SLC39A11: variants seen among roughly 807,000 people sequenced by gnomAD.
SLC39A11 encodes solute carrier family 39 member 11, also known as zinc transporter ZIP11.
A neutral mutation model predicts 36.1 loss-of-function variants in SLC39A11; 33 were observed. The observed-to-expected ratio is 0.91, with a 90% CI of 0.69 to 1.22. The LOEUF is 1.22. Ranked by LOEUF, SLC39A11 falls within the 50% of genes most tolerant of loss-of-function variation. The pLI, the probability that SLC39A11 is intolerant of heterozygous loss-of-function variation, is 0.00. For synonymous variants in SLC39A11, 166 were observed against 170.3 expected, an observed-to-expected ratio of 0.97 and a Z score of 0.20; for missense variants, 432 against 430.3, an observed-to-expected ratio of 1.00 and a Z score of -0.03.
At chr17:72,910,827 T>C (rs2082944904) in intron 5 of SLC39A11, among the ~76,000 whole-genome samples, 1 of 148,238 alleles carries the variant, frequency 6.7e-6, no homozygotes, top group Non-Finnish European at 1.5e-5. Context: ...CTCAGGAGGC[T>C]GAGGCAGGAG....
intron 6 of SLC39A11, among the ~76,000 whole-genome samples, chr17:72,739,033 C>T (rs2074555514): frequency 6.6e-6 from 1 of 151,796 alleles, no homozygotes; most frequent in African/African-American, 2.4e-5. Flanking sequence ...ATAAGGTGTT[C>T]TTTTTTTTGC....
intron 7 of SLC39A11, among the ~76,000 whole-genome samples, chr17:72,705,955 C>T (rs1364316933): frequency 2.0e-5 from 3 of 152,312 alleles, no homozygotes; most frequent in South Asian, 2.1e-4. Context: ...ATTCTCTGTA[C>T]ATTTTTTATT....
At chr17:72,902,220 G>A (rs539085237) in intron 5 of SLC39A11, among the ~76,000 whole-genome samples, 5 of 151,622 alleles carry the variant, frequency 3.3e-5, no homozygotes, top group East Asian at 1.9e-4. Context: ...GTGGTGATCC[G>A]AGATCATGCC....
At chr17:72,851,577 T>G (rs766281636) in intron 5 of SLC39A11, among the ~76,000 whole-genome samples, 2 of 152,198 alleles carry the variant, frequency 1.3e-5, no homozygotes, top group African/African-American at 2.4e-5. Context: ...ACAACCTAAC[T>G]TAGTATGTAT....
intron 5 of SLC39A11, among the ~76,000 whole-genome samples, chr17:72,905,169 T>G (rs1481177325): frequency 8.5e-5 from 2 of 23,522 alleles, no homozygotes; most frequent in African/African-American, 5.6e-4. Context: ...CGAGACTCCA[T>G]CTCAAAAAAA....
intron 7 of SLC39A11, among the ~76,000 whole-genome samples, chr17:72,701,712 A>C (rs2072631424): frequency 1.6e-5 from 2 of 126,694 alleles, no homozygotes; most frequent in Non-Finnish European, 3.3e-5. Context: ...TGGGAGACAG[A>C]GGGAGATTCT....
At chr17:72,930,801 T>C (rs539313317) in intron 5 of SLC39A11, among the ~76,000 whole-genome samples, 3 of 152,304 alleles carry the variant, frequency 2.0e-5, no homozygotes, top group South Asian at 2.1e-4. Context: ...TTTAGCACTG[T>C]AGGCTAATGG....
intron 7 of SLC39A11, among the ~76,000 whole-genome samples, chr17:72,653,665 C>A (rs1392512399): frequency 6.6e-6 from 1 of 152,132 alleles, no homozygotes; most frequent in Non-Finnish European, 1.5e-5. Context: ...GTCTCGAACT[C>A]CTGACCTCAG....
At chr17:73,027,686 G>GT (rs1420263530) in intron 4 of SLC39A11, among the ~76,000 whole-genome samples, 1 of 152,320 alleles carries the variant, frequency 6.6e-6, no homozygotes, top group East Asian at 1.9e-4. Flanking sequence ...ACAGTCATGT[G>GT]TTAACCATTC....
At chr17:72,649,759 A>C (rs2069766167) in intron 7 of SLC39A11, among the ~76,000 whole-genome samples, 1 of 150,726 alleles carries the variant, frequency 6.6e-6, no homozygotes, top group African/African-American at 2.4e-5. Flanking sequence ...TTTCCAGCTA[A>C]TTTTTGTATT....
intron 6 of SLC39A11, among the ~76,000 whole-genome samples, chr17:72,762,672 G>T (rs372808617): frequency 1.1e-4 from 16 of 152,256 alleles, no homozygotes; most frequent in African/African-American, 2.6e-4. Flanking sequence ...CAAGATCCAA[G>T]AACCCTCTCT....
At chr17:72,780,528 G>GT (rs1186235661) in intron 6 of SLC39A11, among the ~76,000 whole-genome samples, 4 of 104,158 alleles carry the variant, frequency 3.8e-5, no homozygotes, top group East Asian at 2.9e-4. Context: ...GATGGGGGGC[G>GT]GGTGGGGGCA....
intron 3 of SLC39A11, chr17:73,067,779 A>T: frequency 9.2e-7 from 1 of 1,090,448 alleles, no homozygotes; most frequent in Non-Finnish European, 1.4e-6. Flanking sequence ...CACATCTGTT[A>T]AGTCTCTTGC....
At chr17:73,077,643 A>T (rs529915717) in intron 3 of SLC39A11, among the ~76,000 whole-genome samples, 2 of 152,288 alleles carry the variant, frequency 1.3e-5, no homozygotes, top group South Asian at 4.1e-4. Flanking sequence ...ACAATTTTAG[A>T]AAAGTAAATC....
chr17:72,760,053 G>T (rs1470158931), intron 6 of SLC39A11, among the ~76,000 whole-genome samples: 1 of 152,124 alleles, frequency 6.6e-6, no homozygotes, highest in African/African-American at 2.4e-5. Context: ...TTGACACAGG[G>T]TCTCACTCTG....
chr17:72,913,446 C>T (rs952860955), intron 5 of SLC39A11, among the ~76,000 whole-genome samples: 2 of 152,122 alleles, frequency 1.3e-5, no homozygotes, highest in Non-Finnish European at 2.9e-5. Flanking sequence ...AATCAAGATA[C>T]ATTTTTGGCA....
chr17:72,879,403 C>G lies in SLC39A11; in HGVS notation c.431-29599G>C, dbSNP rs565480156. The stretch of plus-strand genomic sequence containing the variant: ...CATACAAAAGATTCTCTTATCAACT[C>G]CAGAGATTCCATGGGTTTTAGGAAC... On this transcript the variant is annotated intron_variant, in intron 5 of 9. Transcript: ENST00000255559. Among the ~76,000 whole-genome samples, 5 of 152,296 alleles carry G rather than the reference C, an allele frequency of 3.3e-5. No homozygotes were observed. In the East Asian group the frequency reaches 9.6e-4, roughly 29 times the overall value.
At chr17:72,858,224 G>A (rs778790992) in intron 5 of SLC39A11, among the ~76,000 whole-genome samples, 3 of 152,036 alleles carry the variant, frequency 2.0e-5, no homozygotes, top group African/African-American at 7.2e-5. Flanking sequence ...ACTACTTATT[G>A]AATAGGAAGT....
At chr17:73,032,437 A>T (rs8075590) in intron 3 of SLC39A11, among the ~76,000 whole-genome samples, 148,788 of 152,210 alleles carry the variant, frequency 0.98, 72,812 homozygotes, top group Middle Eastern at 1. Context: ...AAACTCTTGA[A>T]CTCAGGTGAC....
Sources: gnomAD v4.1 joint callset for allele counts (sites outside exome capture counted in the v4.1 genomes callset) on GRCh38, gnomAD v4.1.1 for gene constraint, MANE v1.5 for transcripts, NCBI Gene and HGNC (gene_info 2026-07-23, HGNC 2026-07-21) for gene names.